Variants in DOCK1 observed in about 807,000 individuals in gnomAD.
DOCK1 encodes the protein dedicator of cytokinesis 1.
DOCK1 carries 138 observed loss-of-function variants against 262.7 expected under a neutral mutation model. The observed-to-expected ratio is 0.53, with a 90% confidence interval of 0.46 to 0.61. The LOEUF (loss-of-function observed/expected upper bound fraction) is 0.61, where lower values mean the gene tolerates loss of function less well. Among genes scored for constraint, DOCK1 ranks in the 20% least tolerant of loss-of-function variants. DOCK1 has a pLI of 0.00. For synonymous variants in DOCK1, 866 were observed against 867.4 expected (o/e 1.00, Z 0.03); for missense variants, 1,908 against 2,370.7 (o/e 0.80, Z 4.05).
intron 32 of DOCK1, among the ~76,000 whole-genome samples, chr10:127,358,460 G>T (rs569845580): frequency 6.6e-6 from 1 of 152,152 alleles, no homozygotes; most frequent in Non-Finnish European, 1.5e-5. Context: ...TTATCAAAGC[G>T]CACTCTGTGC....
At chr10:127,127,853 G>T in intron 27 of DOCK1, 89 bp downstream of exon 27, 1 of 1,084,938 alleles carries the variant, frequency 9.2e-7, no homozygotes, top group Non-Finnish European at 1.4e-6. Context: ...TTATTATACT[G>T]CAATGTAGTG....
chr10:127,351,246 G>A (rs1024744289), intron 31 of DOCK1, among the ~76,000 whole-genome samples: 1 of 152,072 alleles, frequency 6.6e-6, no homozygotes, highest in Non-Finnish European at 1.5e-5. Flanking sequence ...CACTCACACC[G>A]TGGGTGGGCT....
rs867430753 is a variant in DOCK1 at position 127,386,007 on chromosome 10, A to C, written c.3927+1098A>C. Among the ~76,000 whole-genome samples, 136 of 152,150 alleles carry C rather than the reference A, an allele frequency of 8.9e-4. 2 individuals carry two copies. Among genetic ancestry groups the C allele is most frequent in the Non-Finnish European group, 1.9e-4 (13 of 68,036 alleles). On this transcript the variant is annotated intron_variant, in intron 38 of 51. Coordinates refer to ENST00000623213, the MANE Select transcript of DOCK1 (RefSeq NM_001290223.2). ...GAAATATCAGGGGTTAGGACTTTAA[A>C]TATTTCTGGGGACACAGTCCTACCC...
chr10:127,211,628 A>T (rs980767835), intron 27 of DOCK1, among the ~76,000 whole-genome samples: 30 of 152,224 alleles, frequency 2.0e-4, no homozygotes, highest in African/African-American at 7.2e-4. Flanking sequence ...TTTTCTTCAT[A>T]GCAGAAATTA....
At chr10:127,124,080 A>G (rs545380774) in intron 25 of DOCK1, among the ~76,000 whole-genome samples, 3 of 152,326 alleles carry the variant, frequency 2.0e-5, no homozygotes, top group South Asian at 2.1e-4. Context: ...ACAGGGGAGT[A>G]GAGGGGTTTG....
chr10:127,202,501 C>T (rs2057516354), intron 27 of DOCK1, among the ~76,000 whole-genome samples: 1 of 152,120 alleles, frequency 6.6e-6, no homozygotes, highest in African/African-American at 2.4e-5. Context: ...GCAGTCTTCT[C>T]CCAGCTGGGG....
At chr10:127,346,207 G>A (rs2063626912) in intron 31 of DOCK1, among the ~76,000 whole-genome samples, 1 of 152,214 alleles carries the variant, frequency 6.6e-6, no homozygotes, top group Admixed American at 6.5e-5. Flanking sequence ...CTTCTTAGTG[G>A]TGGGGCCGAG....
At chr10:127,417,996 C>T (rs545339973) in intron 44 of DOCK1, among the ~76,000 whole-genome samples, 3 of 150,890 alleles carry the variant, frequency 2.0e-5, no homozygotes, top group South Asian at 4.2e-4. Flanking sequence ...TCAAAATTCC[C>T]GAACATCTTC....
rs1179604412 is a variant in DOCK1 at position 127,330,789 on chromosome 10, A to G, written c.3045-8217A>G. Among the ~76,000 whole-genome samples, 6 of 152,216 alleles carry G rather than the reference A, an allele frequency of 3.9e-5. No homozygotes were observed. The East Asian group carries it at 1.2e-3, about 29-fold the overall frequency. The stretch of plus-strand genomic sequence containing the variant: ...GCTAAGTATACATAATCAATAAGCT[A>G]TAGAAGAAGTCATGAATATTAATGA... On this transcript the variant is annotated intron_variant, in intron 29 of 51. Coordinates refer to ENST00000623213, the MANE Select transcript of DOCK1 (RefSeq NM_001290223.2).
In DOCK1 at chr10:127,418,458, A is replaced by G. The variant is rs377456428; in HGVS notation, c.4609A>G (p.Ser1537Gly). ...SMVQQHLDDP[S>G]LPINPLSMLL... is the part of the protein sequence containing the mutation. ...GGTGCAGCAGCACCTGGATGACCCC[A>G]GCCTGCCCATCAACCCGCTCTCCAT... is the stretch of plus-strand genomic sequence containing the variant. The change falls in exon 45 of 52, where the codon AGC becomes GGC. Residue 1537 changes from serine to glycine, a missense_variant. Physicochemically the swap from Ser to Gly is moderately conservative, Grantham distance 56 (BLOSUM62 0). Transcript: ENST00000623213. 38 of 1,614,050 alleles carry G rather than the reference A, an allele frequency of 2.4e-5. 1 individual carries two copies. The Middle Eastern group carries it at 2.8e-3, about 119-fold the overall frequency.
chr10:127,235,588 A>G (rs1475751513), intron 27 of DOCK1, among the ~76,000 whole-genome samples: 1 of 152,154 alleles, frequency 6.6e-6, no homozygotes. Context: ...AGCTCTATAA[A>G]TACTTGTATA....
Position 126,962,520 on chromosome 10 carries a change from C to T in DOCK1, c.47-8182C>T, listed in dbSNP as rs970310071. ...CCATGTTGGCCAGGCTGGTCTCTAA[C>T]TCCTGACCTCAAGTGATCCACCTGC... On this transcript the variant is annotated intron_variant, in intron 1 of 51. Transcript: ENST00000623213. 8.9e-3 allele frequency among the ~76,000 whole-genome samples: 1,351 copies of T among 152,230 alleles called. 12 individuals are homozygous for T. Among genetic ancestry groups the T allele is most frequent in the Middle Eastern group, 0.027 (8 of 294 alleles).
intron 23 of DOCK1, among the ~76,000 whole-genome samples, chr10:127,072,821 G>C (rs1307879319): frequency 1.3e-5 from 2 of 152,166 alleles, no homozygotes; most frequent in Non-Finnish European, 1.5e-5. Context: ...AAAGGGACGG[G>C]CAGAGAACAT....
intron 1 of DOCK1, among the ~76,000 whole-genome samples, chr10:126,926,711 A>ACTCAGC (rs2033755350): frequency 6.6e-6 from 1 of 152,070 alleles, no homozygotes; most frequent in Non-Finnish European, 1.5e-5. Context: ...ACACGTGAGA[A>ACTCAGC]CTCAGCCAAG....
chr10:127,202,105 T>C, intron 27 of DOCK1, among the ~76,000 whole-genome samples: 1 of 152,144 alleles, frequency 6.6e-6, no homozygotes, highest in East Asian at 1.9e-4. Context: ...GGCAGATTGC[T>C]TGAGCTCAGG....
At chr10:127,255,893 C>CAA (rs2059812145) in intron 28 of DOCK1, among the ~76,000 whole-genome samples, 1 of 152,152 alleles carries the variant, frequency 6.6e-6, no homozygotes, top group African/African-American at 2.4e-5. Flanking sequence ...AAACTCTTGA[C>CAA]AAAGTGAGGA....
intron 2 of DOCK1, among the ~76,000 whole-genome samples, chr10:126,977,455 C>G (rs549777859): frequency 1.3e-5 from 2 of 152,068 alleles, no homozygotes; most frequent in African/African-American, 4.8e-5. Context: ...TTTGTGAGGT[C>G]GTGGCTGCTC....
intron 1 of DOCK1, among the ~76,000 whole-genome samples, chr10:126,924,227 T>C (rs1284533489): frequency 2.3e-5 from 3 of 133,278 alleles, no homozygotes; most frequent in Admixed American, 8.1e-5. Context: ...GGGAACTGAA[T>C]GCTGGAACTG....
chr10:127,069,265 C>T (rs1018085952), intron 23 of DOCK1, among the ~76,000 whole-genome samples: 2 of 152,178 alleles, frequency 1.3e-5, no homozygotes, highest in Non-Finnish European at 2.9e-5. Flanking sequence ...GAGCCACTTC[C>T]CTCTCTCAGA....
Sources: gnomAD v4.1 joint callset for allele counts (sites outside exome capture counted in the v4.1 genomes callset) on GRCh38, gnomAD v4.1.1 for gene constraint, MANE v1.5 for transcripts, NCBI Gene and HGNC (gene_info 2026-07-23, HGNC 2026-07-21) for gene names.